The following COL25A1 variants were observed in gnomAD, a reference collection of about 807,000 sequenced individuals.
The protein encoded by COL25A1 is collagen type XXV alpha 1 chain, also known as collagen alpha-1(XXV) chain.
A neutral mutation model predicts 128.4 loss-of-function variants in COL25A1; 103 were observed. The ratio of observed to expected loss-of-function variants is 0.80; its 90% CI spans 0.68 to 0.94. COL25A1 has a LOEUF of 0.94. Among genes scored for constraint, COL25A1 ranks in the 40% least tolerant of loss-of-function variants. The pLI, the probability that COL25A1 is intolerant of heterozygous loss-of-function variation, is 0.00. For synonymous variants in COL25A1, 279 were observed against 277.2 expected, an observed-to-expected ratio of 1.01 and a Z score of -0.06; for missense variants, 745 against 840.0, an observed-to-expected ratio of 0.89 and a Z score of 1.40.
Position 108,905,535 on chromosome 4 carries a change from A to T in COL25A1, c.781-4363T>A, listed in dbSNP as rs186702659. On this transcript the variant is annotated intron_variant, in intron 13 of 37. Transcript: ENST00000399132. ...TATAATAATAAAAAAATAAAAATAAAAATAATAATAATAATAATATTACTT... is the reference window on the plus strand; with the variant it reads ...TATAATAATAAAAAAATAAAAATAATAATAATAATAATAATAATATTACTT... Among the ~76,000 whole-genome samples the T allele has an allele frequency of 4.1e-3, 618 of 150,322 alleles. 1 individual carries two copies. Among genetic ancestry groups the T allele is most frequent in the African/African-American group, 0.013 (548 of 41,200 alleles).
intron 35 of COL25A1, 178 bp downstream of exon 35, chr4:108,823,996 G>C: frequency 6.4e-7 from 1 of 1,557,690 alleles, no homozygotes; most frequent in Non-Finnish European, 8.6e-7. Flanking sequence ...CTTATATCTG[G>C]CAGTACAGCC....
At chr4:109,104,237 T>C (rs1766178181) in intron 3 of COL25A1, among the ~76,000 whole-genome samples, 1 of 151,844 alleles carries the variant, frequency 6.6e-6, no homozygotes. Flanking sequence ...GCTGGGTATG[T>C]TGGCACATAC....
intron 15 of COL25A1, 50 bp downstream of exon 15, chr4:108,899,104 G>A (rs1179888705): frequency 1.3e-6 from 2 of 1,576,116 alleles, no homozygotes; most frequent in Non-Finnish European, 1.7e-6. Flanking sequence ...TCTTTGGTAT[G>A]CTGGTGGTGG....
Position 109,300,667 on chromosome 4 carries a change from G to C in COL25A1, c.298-15C>G, listed in dbSNP as rs1279416407. 2.5e-6 allele frequency: 4 copies of C among 1,578,540 alleles called. No homozygotes were observed. Among genetic ancestry groups the C allele is most frequent in the South Asian group, 1.1e-5 (1 of 90,346 alleles). ...TCATAGGATTTCTGTAGGAAAAGAA[G>C]AGTTATTAATAATCATCAGTAGCAC... On this transcript the variant is annotated splice_polypyrimidine_tract_variant and intron_variant, in intron 2 of 37. Transcript: ENST00000399132.
Position 108,966,575 on chromosome 4 carries a change from G to A in COL25A1, c.492+7792C>T, listed in dbSNP as rs992318815. ...AAAATCATAATAAAGTTGGCCATGC[G>A]CAGTGGCTCGCACCTGTAATCCCAG... On this transcript the variant is annotated intron_variant, in intron 8 of 37. Transcript: ENST00000399132. Among the ~76,000 whole-genome samples, 4 of 152,188 alleles carry A rather than the reference G, an allele frequency of 2.6e-5. No individual in the cohort carries two copies. The East Asian group carries it at 7.7e-4, about 29-fold the overall frequency.
At chr4:109,054,873 G>A (rs1425349) in intron 3 of COL25A1, among the ~76,000 whole-genome samples, 19,310 of 152,022 alleles carry the variant, frequency 0.13, 1,993 homozygotes, top group African/African-American at 0.29. Flanking sequence ...AACCCAAGAC[G>A]CTCCTCCACC....
chr4:109,232,679 T>G (rs1241437775), intron 3 of COL25A1, among the ~76,000 whole-genome samples: 1 of 152,196 alleles, frequency 6.6e-6, no homozygotes, highest in Non-Finnish European at 1.5e-5. Flanking sequence ...AAGTAACCTC[T>G]GTGACAAATC....
chr4:108,891,077 C>A (rs1336223142), intron 16 of COL25A1, among the ~76,000 whole-genome samples: 3 of 152,182 alleles, frequency 2.0e-5, no homozygotes, highest in African/African-American at 7.2e-5. Context: ...GATTCTGGAT[C>A]TATTTTTATT....
chr4:109,197,453 T>A, intron 3 of COL25A1, among the ~76,000 whole-genome samples: 1 of 119,478 alleles, frequency 8.4e-6, no homozygotes, highest in Non-Finnish European at 1.7e-5. Flanking sequence ...ATATATATTA[T>A]ATATAAATAT....
At position 109,254,003 on chromosome 4, in the gene COL25A1, C is replaced by A. The variant is rs538420683; in HGVS notation, c.367+46580G>T. Reference sequence around the variant, plus strand: ...TCAGGAGGCTGAGGCAGGAGAATGGCGCGAACCCAGGAGGCAGAGCTTGCA... The same window carrying A: ...TCAGGAGGCTGAGGCAGGAGAATGGAGCGAACCCAGGAGGCAGAGCTTGCA... On this transcript the variant is annotated intron_variant, in intron 3 of 37. Coordinates refer to ENST00000399132, the MANE Select transcript of COL25A1 (RefSeq NM_198721.4). Among the ~76,000 whole-genome samples, 4 of 151,318 alleles carry A rather than the reference C, an allele frequency of 2.6e-5. No individual in the cohort carries two copies. In the East Asian group the frequency reaches 5.9e-4, roughly 22 times the overall value.
Position 109,030,917 on chromosome 4 carries a change from T to C in COL25A1, c.420+17251A>G, listed in dbSNP as rs538582907. On this transcript the variant is annotated intron_variant, in intron 5 of 37. Transcript: ENST00000399132. ...ACATGCCTGGCTAACGTTTTGTATT[T>C]GTTTGTAGAGACAGAGTTTCGCCAT... Among the ~76,000 whole-genome samples, 17 of 152,116 alleles carry C rather than the reference T, an allele frequency of 1.1e-4. No homozygotes were observed. In the South Asian group the frequency reaches 3.5e-3, roughly 32 times the overall value.
intron 3 of COL25A1, among the ~76,000 whole-genome samples, chr4:109,142,364 G>A (rs1034485388): frequency 2.0e-5 from 3 of 152,126 alleles, no homozygotes; most frequent in African/African-American, 7.2e-5. Context: ...GAATAAGTGC[G>A]ATGTAGTGCT....
intron 3 of COL25A1, among the ~76,000 whole-genome samples, chr4:109,297,108 TA>T (rs1725053029): frequency 6.6e-6 from 1 of 152,104 alleles, no homozygotes; most frequent in African/African-American, 2.4e-5. Flanking sequence ...ATGGAAATTT[TA>T]AGATTATTAT....
intron 3 of COL25A1, among the ~76,000 whole-genome samples, chr4:109,159,529 C>A (rs1772361340): frequency 6.6e-6 from 1 of 152,198 alleles, no homozygotes; most frequent in African/African-American, 2.4e-5. Flanking sequence ...CTCCCCAGCA[C>A]TGGCTCCCTC....
At chr4:108,908,036 CTTG>C (rs1329735407) in intron 13 of COL25A1, among the ~76,000 whole-genome samples, 5 of 152,136 alleles carry the variant, frequency 3.3e-5, no homozygotes, top group Admixed American at 2.0e-4. Context: ...TGTTGCTGCT[CTTG>C]TTGTTGTTGG....
At chr4:109,104,763 C>T (rs984970289) in intron 3 of COL25A1, among the ~76,000 whole-genome samples, 3 of 152,110 alleles carry the variant, frequency 2.0e-5, no homozygotes, top group African/African-American at 4.8e-5. Context: ...TTAAAGGAAA[C>T]GTATACATCT....
chr4:108,896,401 T>C (rs1301188667), intron 16 of COL25A1, among the ~76,000 whole-genome samples: 2 of 152,216 alleles, frequency 1.3e-5, no homozygotes. Flanking sequence ...TTGAAAGCCA[T>C]ATTACTGAAA....
chr4:108,929,577 C>G (rs1746481585), intron 11 of COL25A1, among the ~76,000 whole-genome samples: 1 of 152,120 alleles, frequency 6.6e-6, no homozygotes, highest in Non-Finnish European at 1.5e-5. Context: ...CGTGGTGGCT[C>G]ACACCTGTAA....
At chr4:109,077,577 G>A (rs1007998188) in intron 3 of COL25A1, among the ~76,000 whole-genome samples, 5 of 152,214 alleles carry the variant, frequency 3.3e-5, no homozygotes, top group African/African-American at 9.7e-5. Flanking sequence ...AAATAGCTAT[G>A]AGTGTGTATT....
Sources: allele counts gnomAD v4.1 joint callset (sites outside exome capture counted in the v4.1 genomes callset), GRCh38; gene constraint gnomAD v4.1.1; transcripts MANE v1.5; gene names NCBI Gene and HGNC (gene_info 2026-07-23, HGNC 2026-07-21).